The following RP1 variants were observed in gnomAD, a reference collection of about 807,000 sequenced individuals.
RP1 encodes the protein RP1 axonemal microtubule associated.
A neutral mutation model predicts 14.8 loss-of-function variants in RP1; 16 were observed. That is an observed-to-expected ratio of 1.08 (90% CI 0.73 to 1.65). The LOEUF (loss-of-function observed/expected upper bound fraction) is 1.65, where lower values mean the gene tolerates loss of function less well. Among genes scored for constraint, RP1 ranks in the 40% most tolerant of loss-of-function variants. The pLI is 0.00. For synonymous variants in RP1, 876 were observed against 883.6 expected, an observed-to-expected ratio of 0.99 and a Z score of 0.15; for missense variants, 2,631 against 2,535.0, an observed-to-expected ratio of 1.04 and a Z score of -0.81.
chr8:54,561,017 G>A (rs1804274204), intron 1 of RP1: 1 of 151,184 alleles, frequency 6.6e-6, no homozygotes, highest in African/African-American at 2.4e-5. Context: ...TGGATGCTAG[G>A]GAGACCACAG....
At chr8:54,690,171 T>C in intron 12 of RP1, among the ~76,000 whole-genome samples, 1 of 152,016 alleles carries the variant, frequency 6.6e-6, no homozygotes, top group East Asian at 1.9e-4. Context: ...TTTGGTCTCC[T>C]TACCTAACCC....
At chr8:54,679,808 C>T in exon 12 of RP1, 1 of 1,535,644 alleles carries the variant, frequency 6.5e-7, no homozygotes, top group Non-Finnish European at 8.7e-7. Context: ...TTTTAGTGGA[C>T]TGCAGAAAGC....
At chr8:54,659,882 T>C (rs1018972286) in intron 6 of RP1, among the ~76,000 whole-genome samples, 3 of 152,210 alleles carry the variant, frequency 2.0e-5, no homozygotes, top group African/African-American at 7.2e-5. Context: ...TATTTGTTTC[T>C]TTATTTTAAC....
rs867354267 is a variant in RP1, at chr8:54,842,571, G to C, written c.3835+4902G>C. On this transcript the variant is annotated intron_variant, in intron 25 of 28. Transcript: ENST00000637698. ...ATTCATTCCTTCCCCTCCTTCCTTT[G>C]CATCATTTAGCTGTTATCATGGGAA... Among the ~76,000 whole-genome samples, 26 of 152,052 alleles carry C rather than the reference G, an allele frequency of 1.7e-4. 1 individual carries two copies. Among genetic ancestry groups the C allele is most frequent in the African/African-American group, 5.6e-4 (23 of 41,382 alleles).
intron 7 of RP1, among the ~76,000 whole-genome samples, chr8:54,665,395 A>G (rs1806994094): frequency 6.6e-6 from 1 of 152,108 alleles, no homozygotes. Context: ...TGTCCCAACT[A>G]CTGTCTTTGT....
rs1029469317 is a variant in RP1, at chr8:54,837,723, T to C, written c.3835+54T>C. 4.9e-6 allele frequency: 5 copies of C among 1,015,152 alleles called. No individual in the cohort carries two copies. In the African/African-American group the frequency reaches 8.3e-5, roughly 17 times the overall value. The allele number at this position is 1,015,152 out of a possible 1,614,324, so 62.9% of individuals were successfully genotyped here. On this transcript the variant is annotated intron_variant, in intron 25 of 28. Coordinates refer to the RP1 transcript ENST00000637698. Reference sequence around the variant, plus strand: ...GTATTGAAAATTAAAATAATTGAGATGATTTAGAATAGGGGCTGGCACCTT... The same window carrying C: ...GTATTGAAAATTAAAATAATTGAGACGATTTAGAATAGGGGCTGGCACCTT...
At chr8:54,706,031 CT>C (rs1563353492) in intron 14 of RP1, among the ~76,000 whole-genome samples, 1 of 151,842 alleles carries the variant, frequency 6.6e-6, no homozygotes, top group African/African-American at 2.4e-5. Flanking sequence ...TATTTGATAT[CT>C]TTTTACATTC....
chr8:54,847,504 A>C (rs1039176613), intron 25 of RP1, among the ~76,000 whole-genome samples: 1 of 152,238 alleles, frequency 6.6e-6, no homozygotes, highest in Admixed American at 6.5e-5. Flanking sequence ...CCAGTTCTGA[A>C]TGGTAGAAAG....
At chr8:54,861,079 A>T (rs1200700026) in intron 27 of RP1, among the ~76,000 whole-genome samples, 1 of 151,822 alleles carries the variant, frequency 6.6e-6, no homozygotes, top group Non-Finnish European at 1.5e-5. Context: ...CCCTTCCTAC[A>T]TTCTGAATAC....
At chr8:54,682,958 C>A (rs1807472242) in intron 12 of RP1, among the ~76,000 whole-genome samples, 1 of 152,070 alleles carries the variant, frequency 6.6e-6, no homozygotes, top group East Asian at 1.9e-4. Context: ...TTTAATTCAT[C>A]TTGAGTTAAT....
At chr8:54,584,404 G>A (rs1371502956) in intron 1 of RP1, among the ~76,000 whole-genome samples, 1 of 152,184 alleles carries the variant, frequency 6.6e-6, no homozygotes, top group Non-Finnish European at 1.5e-5. Flanking sequence ...ATTTGCTCAG[G>A]AGTGCTTTAC....
intron 9 of RP1, chr8:54,678,623 G>T (rs1208428284): frequency 9.3e-7 from 1 of 1,080,582 alleles, no homozygotes; most frequent in Non-Finnish European, 1.3e-6. Context: ...TTATTTAGTT[G>T]TTCCTAGTCA....
At chr8:54,646,934 C>T (rs1806562899) in intron 3 of RP1, among the ~76,000 whole-genome samples, 1 of 152,090 alleles carries the variant, frequency 6.6e-6, no homozygotes, top group Non-Finnish European at 1.5e-5. Flanking sequence ...ATTTTTCTAG[C>T]TCTGTAGTTT....
At chr8:54,610,407 C>A (rs922113271) in intron 1 of RP1, among the ~76,000 whole-genome samples, 2 of 152,166 alleles carry the variant, frequency 1.3e-5, no homozygotes, top group Admixed American at 1.3e-4. Context: ...CTTGGAAGTT[C>A]TCATCCAGAT....
chr8:54,771,499 G>A (rs1482837806), downstream of RP1, among the ~76,000 whole-genome samples: 1 of 151,970 alleles, frequency 6.6e-6, no homozygotes, highest in Admixed American at 6.5e-5. Context: ...GTTGACCTAG[G>A]ACTTTGTTAG....
chr8:54,729,126 T>G (rs1464625685), intron 17 of RP1, among the ~76,000 whole-genome samples: 1 of 152,236 alleles, frequency 6.6e-6, no homozygotes, highest in African/African-American at 2.4e-5. Context: ...AGAAGACTTA[T>G]GATTTGATGC....
chr8:54,676,583 C>T (rs192837245), intron 8 of RP1, among the ~76,000 whole-genome samples: 111 of 152,266 alleles, frequency 7.3e-4, no homozygotes, highest in African/African-American at 2.4e-3. Flanking sequence ...TAAACAATGC[C>T]GGTTAATAAG....
intron 24 of RP1, among the ~76,000 whole-genome samples, chr8:54,789,798 A>G (rs1190621656): frequency 6.6e-6 from 1 of 152,172 alleles, no homozygotes; most frequent in Non-Finnish European, 1.5e-5. Flanking sequence ...AGAGGTCCTC[A>G]CTGACTGTGG....
intron 12 of RP1, among the ~76,000 whole-genome samples, chr8:54,681,479 G>T (rs1298653137): frequency 8.1e-6 from 1 of 123,450 alleles, no homozygotes; most frequent in East Asian, 2.7e-4. Flanking sequence ...TTTATTTTTT[G>T]ATTTGTGTGT....
Sources: allele counts gnomAD v4.1 joint callset (sites outside exome capture counted in the v4.1 genomes callset), GRCh38; gene constraint gnomAD v4.1.1; transcripts MANE v1.5; gene names NCBI Gene and HGNC (gene_info 2026-07-23, HGNC 2026-07-21).